Variants in STAT5B observed in about 807,000 individuals in gnomAD.
STAT5B encodes the protein transcription factor STAT5B.
A neutral mutation model predicts 107.8 loss-of-function variants in STAT5B; 21 were observed. The ratio of observed to expected loss-of-function variants is 0.19; its 90% CI spans 0.14 to 0.28. The LOEUF (loss-of-function observed/expected upper bound fraction) is 0.28, where lower values mean the gene tolerates loss of function less well. STAT5B is among the 10% of genes least tolerant of loss of function. STAT5B has a pLI of 1.00. For missense variants in STAT5B, 565 were observed against 1,008.2 expected, an observed-to-expected ratio of 0.56 and a Z score of 5.95; for synonymous variants, 325 against 401.7, an observed-to-expected ratio of 0.81 and a Z score of 2.28.
At chr17:42,217,689 C>A in intron 9 of STAT5B, 1 of 438,806 alleles carries the variant, frequency 2.3e-6, no homozygotes, top group Non-Finnish European at 4.1e-6. Flanking sequence ...CCTAAGAGAA[C>A]TTTTTTTTTT....
In STAT5B at chr17:42,200,502, C is replaced by T. The variant is rs567884387; in HGVS notation, c.*1236G>A. Reference sequence around the variant, plus strand: ...TACTTTTATCAAACTCCCCAGCAAACTTGCTGACTGCATTTCCACACATTA... The same window carrying T: ...TACTTTTATCAAACTCCCCAGCAAATTTGCTGACTGCATTTCCACACATTA... On this transcript the variant is annotated 3_prime_UTR_variant, in exon 19 of 19. Coordinates refer to ENST00000293328, the MANE Select transcript of STAT5B (RefSeq NM_012448.4). 1 of 152,920 alleles carries T rather than the reference C, an allele frequency of 6.5e-6. No homozygotes were observed. The highest frequency in any genetic ancestry group is 1.9e-4 in the East Asian group (1 of 5,330). The allele number at this position is 152,920 out of a possible 1,614,324, so 9.5% of individuals were successfully genotyped here.
upstream of STAT5B, among the ~76,000 whole-genome samples, chr17:42,280,629 A>G (rs1598348995): frequency 6.6e-6 from 1 of 152,294 alleles, no homozygotes; most frequent in Admixed American, 6.5e-5. Flanking sequence ...GGGATAGGTC[A>G]GTACAGGACC....
chr17:42,252,957 A>G (rs946230459), intron 1 of STAT5B, among the ~76,000 whole-genome samples: 2 of 152,202 alleles, frequency 1.3e-5, no homozygotes, highest in Admixed American at 1.3e-4. Flanking sequence ...TCAACAATTC[A>G]CTCATTCAGT....
intron 1 of STAT5B, among the ~76,000 whole-genome samples, chr17:42,235,721 C>T (rs541395917): frequency 6.6e-6 from 1 of 152,304 alleles, no homozygotes; most frequent in East Asian, 1.9e-4. Flanking sequence ...CGTGATCTGC[C>T]CTCCTCGGCC....
In STAT5B at chr17:42,201,315, T is replaced by C. The variant is rs2080041778; in HGVS notation, c.*423A>G. The C allele has an allele frequency of 1.8e-6, 1 of 544,686 alleles. No individual in the cohort carries two copies. The allele number at this position is 544,686 out of a possible 1,614,324, so 33.7% of individuals were successfully genotyped here. A position where few individuals can be genotyped will look rare whatever the true frequency, so the allele number is the denominator to read the frequency against. ...TGACGAAGACTCACTGGAGCACATG[T>C]GCTTTCTCCTCCCTTTGTCCTTCTC... On this transcript the variant is annotated 3_prime_UTR_variant, in exon 19 of 19. Transcript: ENST00000293328.
At chr17:42,218,991 C>T (rs1344780358) in intron 7 of STAT5B, 113 bp from the exon 8 acceptor site, 27 of 1,030,390 alleles carry the variant, frequency 2.6e-5, no homozygotes, top group Non-Finnish European at 3.7e-5. Context: ...CGCCACACTT[C>T]CCACCCATGG....
chr17:42,218,152 T>G lies in STAT5B; in HGVS notation c.1168A>C (p.Asn390His). Reference protein sequence around the residue: ...KSLLKNENTRNDYSGEILNNC... With the variant: ...KSLLKNENTRHDYSGEILNNC... ...AATGAGAGGAAGCTGCACAATTACT[T>G]GCGGGTGTTCTCGTTCTTGAGCAGA... Residue 390 changes from asparagine to histidine, a missense_variant and splice_region_variant, in exon 9 of 19, where the codon AAT (asparagine) becomes CAT (histidine). Asn to His is a moderately conservative substitution (Grantham distance 68). Coordinates refer to ENST00000293328, the MANE Select transcript of STAT5B (RefSeq NM_012448.4). 1 of 1,613,892 alleles carries G rather than the reference T, an allele frequency of 6.2e-7. No homozygotes were observed. The highest frequency in any genetic ancestry group is 8.5e-7 in the Non-Finnish European group (1 of 1,179,938).
At chr17:42,262,789 CA>C (rs1567676910) in intron 1 of STAT5B, among the ~76,000 whole-genome samples, 1 of 116,328 alleles carries the variant, frequency 8.6e-6, no homozygotes, top group Non-Finnish European at 1.7e-5. Flanking sequence ...TATATATACA[CA>C]TATATATGTG....
At chr17:42,211,415 A>T (rs1567656406) in intron 13 of STAT5B, among the ~76,000 whole-genome samples, 1 of 152,106 alleles carries the variant, frequency 6.6e-6, no homozygotes, top group Non-Finnish European at 1.5e-5. Flanking sequence ...CTGAGGCAGG[A>T]GAATCGCTTG....
At chr17:42,287,251 G>C in the STAT5B span, among the ~76,000 whole-genome samples, 1 of 151,868 alleles carries the variant, frequency 6.6e-6, no homozygotes, top group African/African-American at 2.4e-5. Context: ...GAGGTAGTAA[G>C]GGGCAAGAAA....
At chr17:42,272,144 T>C (rs1024301222) in intron 1 of STAT5B, 1 of 152,222 alleles carries the variant, frequency 6.6e-6, no homozygotes, top group African/African-American at 2.4e-5. Context: ...AACATTTATA[T>C]TAAAAGTGAC....
At chr17:42,206,439 C>T (rs2080085429) in intron 16 of STAT5B, among the ~76,000 whole-genome samples, 1 of 152,046 alleles carries the variant, frequency 6.6e-6, no homozygotes, top group East Asian at 1.9e-4. Context: ...AGATAACCTC[C>T]ACACAGGAAG....
chr17:42,281,280 A>C (rs1260436139), upstream of STAT5B, among the ~76,000 whole-genome samples: 2 of 152,202 alleles, frequency 1.3e-5, no homozygotes, highest in Non-Finnish European at 2.9e-5. Flanking sequence ...AATCCACAGA[A>C]TCCTTCCGTG....
intron 16 of STAT5B, chr17:42,203,055 G>T: frequency 1.9e-6 from 1 of 525,140 alleles, no homozygotes; most frequent in Non-Finnish European, 3.5e-6. Flanking sequence ...TGATTCCGAT[G>T]CCTCAGCCTC....
rs1161384430 is a variant in STAT5B, at chr17:42,216,040, G to A, written c.1447C>T (p.Leu483Phe). Residue 483 changes from leucine to phenylalanine, a missense_variant, in exon 12 of 19, where the codon CTC becomes TTC. Coordinates refer to ENST00000293328, the MANE Select transcript of STAT5B (RefSeq NM_012448.4). Reference sequence around the variant, plus strand: ...GGCTCTGCAAAAGCATTGTCCCAGAGAACAGTGGCCGTCGCATTGTTGTCC... The same window carrying A: ...GGCTCTGCAAAAGCATTGTCCCAGAAAACAGTGGCCGTCGCATTGTTGTCC... The part of the protein sequence containing the change: ...SQDNNATATV[L>F]WDNAFAEPGR... 1 of 1,613,938 alleles carries A rather than the reference G, an allele frequency of 6.2e-7. No homozygotes were observed. The highest frequency in any genetic ancestry group is 1.3e-5 in the African/African-American group (1 of 74,906).
chr17:42,215,621 CTTTT>C (rs767262431), intron 12 of STAT5B, among the ~76,000 whole-genome samples: 1 of 151,214 alleles, frequency 6.6e-6, no homozygotes, highest in Non-Finnish European at 1.5e-5. Flanking sequence ...TTTTCCTATG[CTTTT>C]TTTTTATTAT....
At chr17:42,248,273 CAA>C (rs61401221) in intron 1 of STAT5B, among the ~76,000 whole-genome samples, 8 of 69,182 alleles carry the variant, frequency 1.2e-4, no homozygotes, top group Admixed American at 1.8e-4. Flanking sequence ...AGATCTTGTC[CAA>C]AAAAAAAAAA....
chr17:42,252,899 T>C (rs2080511486), intron 1 of STAT5B, among the ~76,000 whole-genome samples: 1 of 152,228 alleles, frequency 6.6e-6, no homozygotes, highest in Admixed American at 6.5e-5. Flanking sequence ...ACCTTTCTTT[T>C]AATTATATCT....
chr17:42,247,610 G>A (rs2080462501), intron 1 of STAT5B, among the ~76,000 whole-genome samples: 1 of 152,102 alleles, frequency 6.6e-6, no homozygotes, highest in African/African-American at 2.4e-5. Context: ...AGTAAAACAA[G>A]TCCTGCAGAA....
Sources: allele counts gnomAD v4.1 joint callset (sites outside exome capture counted in the v4.1 genomes callset), GRCh38; gene constraint gnomAD v4.1.1; transcripts MANE v1.5; gene names NCBI Gene and HGNC (gene_info 2026-07-23, HGNC 2026-07-21).